INO80: variants seen among roughly 807,000 people sequenced by gnomAD.
INO80 encodes chromatin-remodeling ATPase INO80.
In INO80, 20 loss-of-function variants were observed where a neutral mutation model predicts 203.4. The ratio of observed to expected loss-of-function variants is 0.10; its 90% CI spans 0.07 to 0.14. The LOEUF (loss-of-function observed/expected upper bound fraction) is 0.14. Among genes scored for constraint, INO80 ranks in the 10% least tolerant of loss-of-function variants. INO80 has a pLI of 1.00. For missense variants in INO80, 1,419 were observed against 1,914.4 expected (o/e 0.74, Z 4.83); for synonymous variants, 726 against 685.2 (o/e 1.06, Z -0.93).
At position 41,069,541 on chromosome 15, in the gene INO80, A is replaced by G. The variant is rs781242341; in HGVS notation, c.1782+29T>C. 13 of 1,252,374 alleles carry G rather than the reference A, an allele frequency of 1.0e-5. No homozygotes were observed. In the South Asian group the frequency reaches 1.5e-4, roughly 15 times the overall value. The allele number at this position is 1,252,374 out of a possible 1,614,324, so 77.6% of individuals were successfully genotyped here. ...GTCAAAAAGTTTATTTTAAAGAGCA[A>G]TAGATGTTTTGGTTGGACTGATATT... On this transcript the variant is annotated intron_variant, in intron 14 of 35. Transcript: ENST00000648947.
intron 14 of INO80, among the ~76,000 whole-genome samples, chr15:41,061,646 A>T (rs1025032799): frequency 1.3e-5 from 2 of 151,852 alleles, no homozygotes; most frequent in Non-Finnish European, 2.9e-5. Context: ...AAATAAAAAA[A>T]TTTAAAAATA....
chr15:41,041,787 T>G (rs2044672274), intron 24 of INO80, among the ~76,000 whole-genome samples: 2 of 150,912 alleles, frequency 1.3e-5, no homozygotes, highest in South Asian at 4.2e-4. Flanking sequence ...CCTTTAAGAG[T>G]GGATAATATC....
At position 41,055,279 on chromosome 15, in the gene INO80, C is replaced by G; in HGVS notation, c.2156G>C (p.Ser719Thr). ...FNEWFSKDIE[S>T]HAENKSAIDE... The stretch of plus-strand genomic sequence containing the variant: ...AATAGCAGATTTGTTTTCGGCATGG[C>G]TCTCAATGTCCTTGGAAAACCATTC... Residue 719 changes from serine to threonine, a missense_variant, in exon 18 of 36, where the codon AGC (serine) becomes ACC (threonine). By Grantham distance (58) the Ser-to-Thr change is moderately conservative. Coordinates refer to ENST00000648947, the MANE Select transcript of INO80 (RefSeq NM_017553.3). The G allele has an allele frequency of 6.2e-7, 1 of 1,612,736 alleles. No individual in the cohort carries two copies. The highest frequency in any genetic ancestry group is 8.5e-7 in the Non-Finnish European group (1 of 1,179,070).
At chr15:40,990,575 C>G (rs2043803708) in intron 29 of INO80, among the ~76,000 whole-genome samples, 2 of 152,134 alleles carry the variant, frequency 1.3e-5, no homozygotes, top group Admixed American at 1.3e-4. Flanking sequence ...TTGGGAAGAA[C>G]AATGTAAACT....
intron 16 of INO80, 79 bp downstream of exon 16, chr15:41,058,560 T>TGC (rs2045039566): frequency 4.7e-6 from 5 of 1,067,500 alleles, no homozygotes; most frequent in Non-Finnish European, 6.7e-6. Flanking sequence ...TCTGTGTGTG[T>TGC]GTGTGTGTGC....
chr15:41,071,742 T>C, intron 12 of INO80, 107 bp downstream of exon 12: 2 of 1,015,646 alleles, frequency 2.0e-6, no homozygotes, highest in Non-Finnish European at 2.9e-6. Context: ...ATTGCAGGCA[T>C]GAGCCACCGC....
At chr15:41,115,832 C>A (rs991010692) in intron 1 of INO80, 141 bp downstream of exon 1, 3 of 370,112 alleles carry the variant, frequency 8.1e-6, no homozygotes, top group African/African-American at 6.3e-5. Flanking sequence ...CACACCCATC[C>A]TCCATACTAA....
chr15:41,033,584 G>A (rs1443643873), intron 24 of INO80, among the ~76,000 whole-genome samples: 5 of 152,170 alleles, frequency 3.3e-5, no homozygotes. Context: ...TGCAGGGAAG[G>A]TGTGCGAAAG....
At chr15:41,095,485 A>G (rs938334361) in intron 4 of INO80, 116 bp downstream of exon 4, 7 of 724,956 alleles carry the variant, frequency 9.7e-6, no homozygotes, top group Non-Finnish European at 1.7e-5. Context: ...CATCCAGTAT[A>G]AGAGAATCAT....
chr15:41,050,035 T>G lies in INO80; in HGVS notation c.2342A>C (p.Lys781Thr). ...CTGCAATAAATCCTCAATGGAAATT[T>G]TGTTCTTTAGTGCCTGATATAGCAG... ...QKLLYQALKN[K>T]ISIEDLLQSS... Residue 781 changes from lysine (K) to threonine (T), a missense_variant, in exon 20 of 36, where the codon AAA (lysine) becomes ACA (threonine). Lys to Thr is a moderately conservative substitution (Grantham distance 78). Coordinates refer to ENST00000648947, the MANE Select transcript of INO80 (RefSeq NM_017553.3). 1 of 1,614,116 alleles carries G rather than the reference T, an allele frequency of 6.2e-7. No homozygotes were observed. Among genetic ancestry groups the G allele is most frequent in the Non-Finnish European group, 8.5e-7 (1 of 1,179,950 alleles).
chr15:41,000,388 T>C (rs1293169537), intron 28 of INO80, among the ~76,000 whole-genome samples: 1 of 151,904 alleles, frequency 6.6e-6, no homozygotes, highest in Non-Finnish European at 1.5e-5. Flanking sequence ...AATAAAGTAT[T>C]AGAAGCAAAA....
intron 26 of INO80, chr15:41,017,193 TC>T (rs777617118): frequency 6.6e-6 from 1 of 151,662 alleles, no homozygotes; most frequent in Non-Finnish European, 1.5e-5. Context: ...GAAAAGCATT[TC>T]AGCAACAGAT....
At chr15:40,997,158 T>A (rs1051452475) in intron 29 of INO80, among the ~76,000 whole-genome samples, 1 of 152,078 alleles carries the variant, frequency 6.6e-6, no homozygotes, top group African/African-American at 2.4e-5. Flanking sequence ...ATGCCTATAG[T>A]CCCAGCTACT....
At chr15:41,099,778 C>CA (rs77343650) in intron 1 of INO80, among the ~76,000 whole-genome samples, 17,488 of 133,996 alleles carry the variant, frequency 0.13, 3,080 homozygotes, top group African/African-American at 0.41. Flanking sequence ...TGAGACTATC[C>CA]AAAAAAAAAA....
chr15:41,020,444 C>T (rs996543645), intron 26 of INO80, among the ~76,000 whole-genome samples: 3 of 152,096 alleles, frequency 2.0e-5, no homozygotes, highest in African/African-American at 4.8e-5. Flanking sequence ...TGGGAATCTG[C>T]TAGTATTTTG....
Position 40,980,125 on chromosome 15 carries a change from G to C in INO80, c.*98C>G. 3 of 942,100 alleles carry C rather than the reference G, an allele frequency of 3.2e-6. No individual in the cohort carries two copies. The highest frequency in any genetic ancestry group is 2.8e-5 in the South Asian group (2 of 71,736). 58.4% of individuals were successfully genotyped at this position (942,100 alleles called of 1,614,324 possible). On this transcript the variant is annotated 3_prime_UTR_variant, in exon 36 of 36. Transcript: ENST00000648947. ...GCTGGACATTTCCACTTCTGACTCAGGATGCAAGATGCTGCACGGGGCAAG... is the reference window on the plus strand; with the variant it reads ...GCTGGACATTTCCACTTCTGACTCACGATGCAAGATGCTGCACGGGGCAAG...
chr15:41,099,237 C>CAAA (rs71104771), intron 1 of INO80, among the ~76,000 whole-genome samples: 283 of 21,128 alleles, frequency 0.013, 20 homozygotes, highest in Non-Finnish European at 0.019. Context: ...GACCCTGTCT[C>CAAA]AAAAAAAAAA....
At chr15:41,057,452 C>T (rs2045006918) in intron 16 of INO80, among the ~76,000 whole-genome samples, 1 of 135,974 alleles carries the variant, frequency 7.4e-6, no homozygotes, top group Admixed American at 7.5e-5. Context: ...AAGACCCTAT[C>T]CCCTGTCTCA....
chr15:41,047,597 A>G (rs1306997406), intron 22 of INO80, 96 bp from the exon 23 acceptor site: 1 of 820,022 alleles, frequency 1.2e-6, no homozygotes, highest in Non-Finnish European at 1.9e-6. Flanking sequence ...TTAAGAACAA[A>G]AACACTATTC....
Sources: allele counts gnomAD v4.1 joint callset (sites outside exome capture counted in the v4.1 genomes callset), GRCh38; gene constraint gnomAD v4.1.1; transcripts MANE v1.5; gene names NCBI Gene and HGNC (gene_info 2026-07-23, HGNC 2026-07-21).